The following FHAD1 variants were observed in gnomAD, a reference collection of about 807,000 sequenced individuals.
The protein encoded by FHAD1 is forkhead-associated domain-containing protein 1.
Under a neutral mutation model 191.3 loss-of-function variants are expected in FHAD1, and 146 were observed. The observed-to-expected ratio is 0.76, with a 90% CI of 0.67 to 0.88. The LOEUF is 0.88. Ranked by LOEUF, FHAD1 falls within the 40% of genes least tolerant of loss-of-function variation. The pLI, the probability that FHAD1 is intolerant of heterozygous loss-of-function variation, is 0.00. For synonymous variants in FHAD1, 616 were observed against 672.3 expected, an observed-to-expected ratio of 0.92 and a Z score of 1.29; for missense variants, 1,635 against 1,785.8, an observed-to-expected ratio of 0.92 and a Z score of 1.52.
intron 19 of FHAD1, among the ~76,000 whole-genome samples, chr1:15,349,455 C>G (rs1413891423): frequency 6.6e-6 from 1 of 152,220 alleles, no homozygotes; most frequent in Non-Finnish European, 1.5e-5. Context: ...CTCTCTGGTT[C>G]AGCTACCTAG....
chr1:15,264,313 G>C (rs1652472788), intron 2 of FHAD1, among the ~76,000 whole-genome samples: 1 of 151,904 alleles, frequency 6.6e-6, no homozygotes, highest in South Asian at 2.1e-4. Context: ...ATTTCTTTCG[G>C]CAACATTGTG....
intron 21 of FHAD1, among the ~76,000 whole-genome samples, chr1:15,359,369 A>G (rs1693913264): frequency 6.6e-6 from 1 of 151,954 alleles, no homozygotes; most frequent in Non-Finnish European, 1.5e-5. Context: ...TGGGTAGATC[A>G]GAGGCCAAGG....
chr1:15,345,567 A>G (rs1291490153), intron 18 of FHAD1, 44 bp downstream of exon 18: 1 of 1,460,946 alleles, frequency 6.8e-7, no homozygotes, highest in Non-Finnish European at 9.4e-7. Context: ...AGTCGGCTTG[A>G]GGGCCATGTG....
intron 31 of FHAD1, chr1:15,383,144 T>C: frequency 2.1e-6 from 1 of 471,626 alleles, no homozygotes; most frequent in Non-Finnish European, 4.4e-6. Context: ...TGAGCCTTGC[T>C]TTCCTCATTA....
chr1:15,382,316 G>A, intron 31 of FHAD1, 123 bp downstream of exon 31: 1 of 962,110 alleles, frequency 1.0e-6, no homozygotes. Flanking sequence ...GCAAAGGGAG[G>A]CAACTGGATA....
At chr1:15,259,767 C>T (rs1260286985) in intron 2 of FHAD1, among the ~76,000 whole-genome samples, 1 of 152,132 alleles carries the variant, frequency 6.6e-6, no homozygotes, top group Non-Finnish European at 1.5e-5. Context: ...GGATGACCCA[C>T]GAGGATCCTG....
intron 7 of FHAD1, among the ~76,000 whole-genome samples, chr1:15,309,910 C>T (rs553992107): frequency 3.9e-5 from 6 of 152,154 alleles, no homozygotes; most frequent in East Asian, 1.9e-4. Flanking sequence ...GACCAAGCCA[C>T]GGTGTTGGAT....
At position 15,278,947 on chromosome 1, in the gene FHAD1, T is replaced by A. The variant is rs181030610; in HGVS notation, c.300+6418T>A. 1.2e-3 allele frequency among the ~76,000 whole-genome samples: 178 copies of A among 152,330 alleles called. 6 individuals are homozygous for A. The East Asian group carries it at 0.029, about 25-fold the overall frequency. Reference sequence around the variant, plus strand: ...GTTTCTTCAACTGGAAGTTTTTTTTTAAAACTTTGGAATGTTTTCCCTGGG... The same window carrying A: ...GTTTCTTCAACTGGAAGTTTTTTTTAAAAACTTTGGAATGTTTTCCCTGGG... On this transcript the variant is annotated intron_variant, in intron 3 of 33. Transcript: ENST00000688493.
At chr1:15,328,864 C>G (rs1213228676) in intron 13 of FHAD1, 1 of 162,996 alleles carries the variant, frequency 6.1e-6, no homozygotes, top group Non-Finnish European at 1.3e-5. Flanking sequence ...GCCCTGCGGC[C>G]CCCACCCTGG....
At chr1:15,285,031 T>C (rs1294065175) in intron 3 of FHAD1, among the ~76,000 whole-genome samples, 1 of 152,208 alleles carries the variant, frequency 6.6e-6, no homozygotes, top group Non-Finnish European at 1.5e-5. Flanking sequence ...CCAAACTCTA[T>C]GTACATTCTA....
intron 10 of FHAD1, among the ~76,000 whole-genome samples, chr1:15,319,288 A>T (rs1296151573): frequency 6.6e-6 from 1 of 152,230 alleles, no homozygotes; most frequent in African/African-American, 2.4e-5. Context: ...CAAATCATTA[A>T]AACCTCGTGA....
chr1:15,334,086 A>T (rs1000063159), intron 14 of FHAD1: 2 of 151,960 alleles, frequency 1.3e-5, no homozygotes, highest in African/African-American at 4.8e-5. Flanking sequence ...CTCAACTCCC[A>T]AAGTGCTGGT....
intron 20 of FHAD1, among the ~76,000 whole-genome samples, chr1:15,356,084 G>C (rs1257591018): frequency 6.6e-6 from 1 of 152,144 alleles, no homozygotes; most frequent in African/African-American, 2.4e-5. Context: ...GATAACTACC[G>C]ATTTATGACC....
At chr1:15,269,059 T>C (rs1455522178) in intron 2 of FHAD1, among the ~76,000 whole-genome samples, 1 of 152,130 alleles carries the variant, frequency 6.6e-6, no homozygotes, top group African/African-American at 2.4e-5. Flanking sequence ...TTGTGTCTTC[T>C]CTCTTTTTTT....
intron 26 of FHAD1, among the ~76,000 whole-genome samples, chr1:15,370,744 A>T (rs1438831478): frequency 6.6e-6 from 1 of 152,188 alleles, no homozygotes; most frequent in East Asian, 1.9e-4. Flanking sequence ...GATCCGCAGC[A>T]TGCAATGGTG....
chr1:15,382,060 C>G lies in FHAD1; in HGVS notation c.4055C>G (p.Ser1352Trp), dbSNP rs1177799190. The G allele has an allele frequency of 5.8e-6, 9 of 1,551,948 alleles. No individual in the cohort carries two copies. ...RSKVSIEMYQSQVAKLEDDIY... is the reference protein window; with the variant it reads ...RSKVSIEMYQWQVAKLEDDIY... The stretch of plus-strand genomic sequence containing the variant: ...AAAGTGTCCATTGAGATGTACCAGT[C>G]GCAGGTGGCAAAGCTGGAGGATGAT... The change falls in exon 31 of 34, where the codon TCG (serine) becomes TGG (tryptophan). Residue 1352 changes from serine to tryptophan, a missense_variant. Coordinates refer to ENST00000688493, the MANE Select transcript of FHAD1 (RefSeq NM_001391957.1).
chr1:15,238,705 A>C (rs960862201), intron 1 of FHAD1, among the ~76,000 whole-genome samples: 2 of 152,174 alleles, frequency 1.3e-5, no homozygotes, highest in South Asian at 4.1e-4. Context: ...GTTTCTTTAT[A>C]GGATAAATCA....
chr1:15,248,372 C>A (rs1646354629), intron 1 of FHAD1, among the ~76,000 whole-genome samples: 1 of 151,538 alleles, frequency 6.6e-6, no homozygotes, highest in South Asian at 2.1e-4. Context: ...GATGTTATTA[C>A]TCACAGCACA....
At chr1:15,391,857 G>A (rs1309337047) in intron 33 of FHAD1, among the ~76,000 whole-genome samples, 3 of 152,172 alleles carry the variant, frequency 2.0e-5, no homozygotes, top group Non-Finnish European at 4.4e-5. Flanking sequence ...TGTCCCCAGG[G>A]TCCCCCTAGA....
Sources: allele counts gnomAD v4.1 joint callset (sites outside exome capture counted in the v4.1 genomes callset), GRCh38; gene constraint gnomAD v4.1.1; transcripts MANE v1.5; gene names NCBI Gene and HGNC (gene_info 2026-07-23, HGNC 2026-07-21).